ATP1A4: variants seen among roughly 807,000 people sequenced by gnomAD.
ATP1A4 encodes ATPase Na+/K+ transporting subunit alpha 4, also known as sodium/potassium-transporting ATPase subunit alpha-4.
In ATP1A4, 90 loss-of-function variants were observed where a neutral mutation model predicts 114.3. That is an observed-to-expected ratio of 0.79 (90% CI 0.66 to 0.94). The LOEUF is 0.94. Ranked by LOEUF, ATP1A4 falls within the 40% of genes least tolerant of loss-of-function variation. The pLI, the probability that ATP1A4 is intolerant of heterozygous loss-of-function variation, is 0.00. For synonymous variants in ATP1A4, 511 were observed against 494.1 expected (o/e 1.03, Z -0.45); for missense variants, 1,222 against 1,313.6 (o/e 0.93, Z 1.08).
intron 1 of ATP1A4, 97 bp downstream of exon 1, chr1:160,152,284 G>A: frequency 4.5e-6 from 6 of 1,341,256 alleles, no homozygotes; most frequent in South Asian, 1.5e-5. Flanking sequence ...ACACAGGCCA[G>A]AGCCACATCT....
In ATP1A4 at chr1:160,155,066, A is replaced by T. The variant is rs992910530; in HGVS notation, c.229A>T (p.Lys77Ter). ...LTKGHSHQRA[K>*]EILTRGGPNT... ...ACAGGGCCATAGCCACCAAAGGGCA[A>T]AGGAAATCCTGACTCGAGGTGGACC... The change falls in exon 3 of 22, where the codon AAG (lysine) becomes TAG (stop). Residue 77 changes from lysine (K) to a stop codon, truncating the protein, a stop_gained. Transcript: ENST00000368081. LOFTEE classifies it high-confidence loss of function. 53 of 1,613,946 alleles carry T rather than the reference A, an allele frequency of 3.3e-5. No homozygotes were observed. The highest frequency in any genetic ancestry group is 4.4e-5 in the Non-Finnish European group (52 of 1,179,918).
chr1:160,168,377 C>CTTTTTTTTTTTTTTTTTTTTTTTTTTTT (rs11397218), intron 10 of ATP1A4, among the ~76,000 whole-genome samples: 1 of 97,040 alleles, frequency 1.0e-5, no homozygotes, highest in African/African-American at 4.0e-5. Flanking sequence ...CTGCTGGTAT[C>CTTTTTTTTTTTTTTTTTTTTTTTTTTTT]TTTTTTTTTT....
Position 160,167,022 on chromosome 1 carries a change from G to C in ATP1A4, c.1301G>C (p.Gly434Ala). The stretch of plus-strand genomic sequence containing the variant: ...TGGTTTATGCTGGCCCGAATCGCTG[G>C]CCTCTGCAACCGGGCTGACTTTAAG... ...DTWFMLARIA[G>A]LCNRADFKAN... is the part of the protein sequence containing the mutation. Residue 434 changes from glycine (G) to alanine (A), a missense_variant, in exon 9 of 22, where the codon GGC (glycine) becomes GCC (alanine). Transcript: ENST00000368081. 6.2e-7 allele frequency: 1 copy of C among 1,614,118 alleles called. No homozygotes were observed. Among genetic ancestry groups the C allele is most frequent in the Non-Finnish European group, 8.5e-7 (1 of 1,180,016 alleles).
chr1:160,159,229 C>T (rs1652783561), intron 5 of ATP1A4, 93 bp downstream of exon 5: 1 of 1,506,786 alleles, frequency 6.6e-7, no homozygotes, highest in Admixed American at 2.1e-5. Flanking sequence ...AAGCTTATTA[C>T]TCAGAATCTT....
chr1:160,164,899 C>T (rs891728278), intron 7 of ATP1A4, among the ~76,000 whole-genome samples: 12 of 152,308 alleles, frequency 7.9e-5, no homozygotes, highest in South Asian at 4.1e-4. Flanking sequence ...TGTCTCAATT[C>T]GTTTCATTGT....
chr1:160,166,378 G>A (rs574416608), intron 7 of ATP1A4, 150 bp from the exon 8 acceptor site: 204 of 1,052,726 alleles, frequency 1.9e-4, no homozygotes, highest in Non-Finnish European at 2.6e-4. Flanking sequence ...ACCACAGCCA[G>A]AAATGAAATG....
At chr1:160,169,496 C>A (rs1285806841) in intron 10 of ATP1A4, among the ~76,000 whole-genome samples, 2 of 152,198 alleles carry the variant, frequency 1.3e-5, no homozygotes, top group Non-Finnish European at 2.9e-5. Context: ...AAGTGAGTTA[C>A]GGTTCTTCCT....
Position 160,156,278 on chromosome 1 carries a change from A to C in ATP1A4, c.525+120A>C, listed in dbSNP as rs1558016804. 10 of 695,340 alleles carry C rather than the reference A, an allele frequency of 1.4e-5. No individual in the cohort carries two copies. The Admixed American group carries it at 1.9e-4, about 13-fold the overall frequency. 43.1% of individuals were successfully genotyped at this position (695,340 alleles called of 1,614,324 possible). On this transcript the variant is annotated intron_variant, in intron 4 of 21. Transcript: ENST00000368081. ...AGTGAGCTGAGTGAGGTTGGTGATG[A>C]GGGGGTCAAGGTACTGTATCAGTCC...
chr1:160,162,328 G>A (rs1232897629), intron 6 of ATP1A4, among the ~76,000 whole-genome samples: 1 of 152,190 alleles, frequency 6.6e-6, no homozygotes, highest in Non-Finnish European at 1.5e-5. Flanking sequence ...CTCATTTCAA[G>A]GTGAGTGGCC....
At chr1:160,184,228 T>G (rs56335590) in intron 20 of ATP1A4, among the ~76,000 whole-genome samples, 151,881 of 152,216 alleles carry the variant, frequency 1, 75,774 homozygotes, top group Middle Eastern at 1. Flanking sequence ...TGGGATTACA[T>G]GCGTGAGCCA....
At chr1:160,184,845 T>A (rs980173394) in intron 20 of ATP1A4, among the ~76,000 whole-genome samples, 11 of 152,274 alleles carry the variant, frequency 7.2e-5, no homozygotes, top group African/African-American at 2.6e-4. Context: ...GGTCTAATTA[T>A]AAAAAGAGGT....
chr1:160,155,106 C>T lies in ATP1A4; in HGVS notation c.269C>T (p.Pro90Leu), dbSNP rs1652594873. The T allele has an allele frequency of 1.9e-6, 3 of 1,612,508 alleles. No homozygotes were observed. Among genetic ancestry groups the T allele is most frequent in the Non-Finnish European group, 2.5e-6 (3 of 1,178,640 alleles). ...CGAGGTGGACCCAATACTGTTACCC[C>T]ACCCCCCACCACTCCAGAATGGGTC... The part of the protein sequence containing the change: ...LTRGGPNTVT[P>L]PPTTPEWVKF... The change falls in exon 3 of 22, where the codon CCA becomes CTA. Residue 90 changes from proline (P) to leucine (L), a missense_variant. Pro to Leu is a moderately conservative substitution (Grantham distance 98). Transcript: ENST00000368081.
At chr1:160,179,192 T>C (rs1238452282) in intron 18 of ATP1A4, among the ~76,000 whole-genome samples, 1 of 152,168 alleles carries the variant, frequency 6.6e-6, no homozygotes, top group Non-Finnish European at 1.5e-5. Context: ...ACAGTTGGCT[T>C]CCATTAGCTG....
At chr1:160,183,196 CT>C (rs1653770598) in intron 20 of ATP1A4, 1 of 152,190 alleles carries the variant, frequency 6.6e-6, no homozygotes, top group Non-Finnish European at 1.5e-5. Context: ...TCAGCTACAC[CT>C]GCAAAGTCTC....
At chr1:160,186,403 T>A in intron 21 of ATP1A4, 36 bp downstream of exon 21, 2 of 1,501,590 alleles carry the variant, frequency 1.3e-6, no homozygotes, top group Non-Finnish European at 1.8e-6. Flanking sequence ...GACTGAGTGG[T>A]CACCAGCCCC....
At chr1:160,180,378 A>G (rs1490151622) in intron 18 of ATP1A4, among the ~76,000 whole-genome samples, 1 of 147,602 alleles carries the variant, frequency 6.8e-6, no homozygotes, top group Non-Finnish European at 1.5e-5. Context: ...GTTGATAAAC[A>G]TGCTGCTTTA....
chr1:160,178,224 G>T (rs927978733), intron 18 of ATP1A4, among the ~76,000 whole-genome samples: 2 of 151,776 alleles, frequency 1.3e-5, no homozygotes, highest in Non-Finnish European at 2.9e-5. Context: ...GCGTGGTGGC[G>T]CATGCCTGTA....
Sources: gnomAD v4.1 joint callset for allele counts (sites outside exome capture counted in the v4.1 genomes callset) on GRCh38, gnomAD v4.1.1 for gene constraint, MANE v1.5 for transcripts, NCBI Gene and HGNC (gene_info 2026-07-23, HGNC 2026-07-21) for gene names.